Variants in NAB1 observed in about 807,000 individuals in gnomAD.
NAB1 encodes the protein NGFI-A binding protein 1.
Under a neutral mutation model 49.9 loss-of-function variants are expected in NAB1, and 25 were observed. The observed-to-expected ratio is 0.50, with a 90% CI of 0.37 to 0.70. The LOEUF (loss-of-function observed/expected upper bound fraction) is 0.70. Ranked by LOEUF, NAB1 falls within the 30% of genes least tolerant of loss-of-function variation. NAB1 has a pLI of 0.00. For synonymous variants in NAB1, 198 were observed against 215.6 expected, an observed-to-expected ratio of 0.92 and a Z score of 0.71; for missense variants, 489 against 575.9, an observed-to-expected ratio of 0.85 and a Z score of 1.54.
intron 3 of NAB1, among the ~76,000 whole-genome samples, chr2:190,656,409 T>C (rs1420675125): frequency 6.6e-6 from 1 of 152,186 alleles, no homozygotes; most frequent in Non-Finnish European, 1.5e-5. Context: ...CAGCCGGCTT[T>C]GGAAGGAAAC....
Position 190,659,241 on chromosome 2 carries a change from A to G in NAB1, c.65A>G (p.Asn22Ser). The G allele has an allele frequency of 1.9e-6, 3 of 1,614,034 alleles. No homozygotes were observed. Among genetic ancestry groups the G allele is most frequent in the Non-Finnish European group, 2.5e-6 (3 of 1,180,000 alleles). ...CTGTATAGAATATTACAAAAAGCCA[A>G]TCTACTTTCTTATTTTGATGCCTTT... is the stretch of plus-strand genomic sequence containing the variant. ...LQLYRILQKANLLSYFDAFIQ... is the reference protein window; with the variant it reads ...LQLYRILQKASLLSYFDAFIQ... The change falls in exon 4 of 10, where the codon AAT becomes AGT. Residue 22 changes from asparagine to serine, a missense_variant. By Grantham distance (46) the Asn-to-Ser change is conservative. Transcript: ENST00000337386. This position sits in a 1 kb window ranked among gnomAD's most constrained non-coding sequence, Gnocchi z 6.2.
At chr2:190,671,769 CTTTTTTT>C (rs1177937369) in intron 5 of NAB1, among the ~76,000 whole-genome samples, 13 of 71,724 alleles carry the variant, frequency 1.8e-4, no homozygotes, top group Non-Finnish European at 2.9e-4. Flanking sequence ...TTCACCTTTC[CTTTTTTT>C]TTTTTTTTTT....
At position 190,690,710 on chromosome 2, in the gene NAB1, A is replaced by G; in HGVS notation, c.*377A>G. On this transcript the variant is annotated 3_prime_UTR_variant, in exon 10 of 10. Transcript: ENST00000337386. ...TGTTTGGTCTAATAGATGTGGATAC[A>G]GTTTATTTTACTTGAAATTTTGTTG... 1 of 158,404 alleles carries G rather than the reference A, an allele frequency of 6.3e-6. No individual in the cohort carries two copies. The highest frequency in any genetic ancestry group is 1.4e-5 in the Non-Finnish European group (1 of 71,814). 9.8% of individuals were successfully genotyped at this position (158,404 alleles called of 1,614,324 possible). A position where few individuals can be genotyped will look rare whatever the true frequency, so the allele number is the denominator to read the frequency against.
chr2:190,687,468 T>C (rs1695675899), intron 9 of NAB1, 151 bp downstream of exon 9: 2 of 517,942 alleles, frequency 3.9e-6, no homozygotes, highest in Non-Finnish European at 6.7e-6. Context: ...AACTGGAAAA[T>C]TCGAAATGCT....
At chr2:190,660,293 GTTTGTTT>G (rs1280543236) in intron 4 of NAB1, among the ~76,000 whole-genome samples, 2 of 152,088 alleles carry the variant, frequency 1.3e-5, no homozygotes, top group Admixed American at 1.3e-4. Context: ...TTGTAAGGCT[GTTTGTTT>G]TTTAATTAAA....
chr2:190,673,067 G>GTTTT (rs5837195), intron 5 of NAB1, 34 bp from the exon 6 acceptor site: 28 of 1,472,158 alleles, frequency 1.9e-5, no homozygotes, highest in Admixed American at 1.4e-4. Flanking sequence ...ACTTTCTCAA[G>GTTTT]TTTTTTTTTT....
rs1695580312 is a variant in NAB1 at position 190,685,853 on chromosome 2, A to T, written c.1258+215A>T. Among the ~76,000 whole-genome samples, 2 of 152,352 alleles carry T rather than the reference A, an allele frequency of 1.3e-5. No individual in the cohort carries two copies. Among genetic ancestry groups the T allele is most frequent in the South Asian group, 2.1e-4 (1 of 4,824 alleles). ...ATTTTTTAATCTTTAAGCAGTTGGCACCTGAGATTGACATGTATTATTTTG... is the reference window on the plus strand; with the variant it reads ...ATTTTTTAATCTTTAAGCAGTTGGCTCCTGAGATTGACATGTATTATTTTG... On this transcript the variant is annotated intron_variant, in intron 8 of 9. Coordinates refer to ENST00000337386, the MANE Select transcript of NAB1 (RefSeq NM_005966.4). The surrounding 1 kb of genome is among the most constrained non-coding windows in gnomAD (Gnocchi z 4.5).
rs764007897 is a variant in NAB1 at position 190,659,721 on chromosome 2, C to T, written c.545C>T (p.Ala182Val). 1.5e-5 allele frequency: 25 copies of T among 1,613,920 alleles called. No individual in the cohort carries two copies. Among genetic ancestry groups the T allele is most frequent in the East Asian group, 2.2e-5 (1 of 44,884 alleles). ...TCCCCAGCAGACCTGGGCTCCCCCGCGTCCCCAAAGGAGAGCAGTGAGGCG... is the reference window on the plus strand; with the variant it reads ...TCCCCAGCAGACCTGGGCTCCCCCGTGTCCCCAAAGGAGAGCAGTGAGGCG... ...SLSPADLGSP[A>V]SPKESSEALD... The change falls in exon 4 of 10, where the codon GCG (alanine) becomes GTG (valine). Residue 182 changes from alanine to valine, a missense_variant. Physicochemically the swap from Ala to Val is moderately conservative, Grantham distance 64 (BLOSUM62 0). Transcript: ENST00000337386. The surrounding 1 kb of genome is among the most constrained non-coding windows in gnomAD (Gnocchi z 6.2).
At chr2:190,688,029 A>G (rs1021085974) in intron 9 of NAB1, among the ~76,000 whole-genome samples, 1 of 152,242 alleles carries the variant, frequency 6.6e-6, no homozygotes, top group Non-Finnish European at 1.5e-5. Flanking sequence ...ATAGTTAGAT[A>G]TTTACATATT....
At chr2:190,668,316 C>G (rs937998811) in intron 4 of NAB1, among the ~76,000 whole-genome samples, 16 of 151,708 alleles carry the variant, frequency 1.1e-4, no homozygotes, top group African/African-American at 3.9e-4. Flanking sequence ...TCTTATGCAG[C>G]TTTTTTTTAA....
At chr2:190,687,599 T>C (rs1574484570) in intron 9 of NAB1, among the ~76,000 whole-genome samples, 1 of 152,078 alleles carries the variant, frequency 6.6e-6, no homozygotes, top group Non-Finnish European at 1.5e-5. Flanking sequence ...CTGAAAAAGC[T>C]CAAAATCCAT....
rs1251390094 is a variant in NAB1 at position 190,685,451 on chromosome 2, AT to A, written c.1096-22del. On this transcript the variant is annotated intron_variant, in intron 7 of 9. Transcript: ENST00000337386. This position sits in a 1 kb window ranked among gnomAD's most constrained non-coding sequence, Gnocchi z 4.5. Reference sequence around the variant, plus strand: ...AAAATCTAGAATGTTTCAGTTACTGATTTGATTTTTGCTTTACTTACTAGCA... The same window carrying A: ...AAAATCTAGAATGTTTCAGTTACTGATTGATTTTTGCTTTACTTACTAGCA... 7 of 1,579,360 alleles carry A rather than the reference AT, an allele frequency of 4.4e-6. No homozygotes were observed. Among genetic ancestry groups the A allele is most frequent in the African/African-American group, 1.4e-5 (1 of 73,638 alleles).
intron 3 of NAB1, among the ~76,000 whole-genome samples, chr2:190,656,667 A>G (rs1693936980): frequency 6.6e-6 from 1 of 152,192 alleles, no homozygotes; most frequent in African/African-American, 2.4e-5. Context: ...TTAAGTGGGT[A>G]AAGATGAGAA....
Position 190,678,007 on chromosome 2 carries a change from G to A in NAB1, c.1005+4855G>A, listed in dbSNP as rs1000633112. 6.6e-6 allele frequency among the ~76,000 whole-genome samples: 1 copy of A among 152,176 alleles called. No homozygotes were observed. The highest frequency in any genetic ancestry group is 2.4e-5 in the African/African-American group (1 of 41,448). On this transcript the variant is annotated intron_variant, in intron 6 of 9. Transcript: ENST00000337386. The surrounding 1 kb of genome is among the most constrained non-coding windows in gnomAD (Gnocchi z 4.9). ...TATTTTCTAATCCAAGAAATGTTAT[G>A]TAGTAAACAGTTACAAGTTTTGAGT...
At position 190,669,229 on chromosome 2, in the gene NAB1, A is replaced by G. The variant is rs1296292467; in HGVS notation, c.820-1097A>G. On this transcript the variant is annotated intron_variant, in intron 4 of 9. Transcript: ENST00000337386. This position sits in a 1 kb window ranked among gnomAD's most constrained non-coding sequence, Gnocchi z 4.3. ...TTATTTGTATAATTTTTCATTTAATATTTTTGGGTCCCAGTTGACCACAGG... is the reference window on the plus strand; with the variant it reads ...TTATTTGTATAATTTTTCATTTAATGTTTTTGGGTCCCAGTTGACCACAGG... 6.6e-6 allele frequency among the ~76,000 whole-genome samples: 1 copy of G among 152,208 alleles called. No individual in the cohort carries two copies. The highest frequency in any genetic ancestry group is 1.5e-5 in the Non-Finnish European group (1 of 68,038).
chr2:190,681,011 T>TCACAGCAAATAAGTAGTAG (rs1031072094), intron 6 of NAB1, among the ~76,000 whole-genome samples: 1 of 152,240 alleles, frequency 6.6e-6, no homozygotes, highest in Non-Finnish European at 1.5e-5. Flanking sequence ...CTACCCAGTA[T>TCACAGCAAATAAGTAGTAG]CACAGCAAAT....
Position 190,649,335 on chromosome 2 carries a change from C to G in NAB1, c.-359C>G, listed in dbSNP as rs1283683050. The G allele has an allele frequency of 6.6e-6, 1 of 152,226 alleles. No individual in the cohort carries two copies. The highest frequency in any genetic ancestry group is 2.4e-5 in the African/African-American group (1 of 41,432). 9.4% of individuals were successfully genotyped at this position (152,226 alleles called of 1,614,324 possible). The stretch of plus-strand genomic sequence containing the variant: ...CTGAGCAGTCCTCGGGGAGAGCGCG[C>G]CAAGACCGCTGCAGCCGCTGGCTGA... On this transcript the variant is annotated 5_prime_UTR_variant, in exon 1 of 10. Coordinates refer to ENST00000337386, the MANE Select transcript of NAB1 (RefSeq NM_005966.4). This position sits in a 1 kb window ranked among gnomAD's most constrained non-coding sequence, Gnocchi z 6.1.
rs1324691205 is a variant in NAB1, at chr2:190,691,579, T to C, written c.*1246T>C. On this transcript the variant is annotated 3_prime_UTR_variant, in exon 10 of 10. Transcript: ENST00000337386. The surrounding 1 kb of genome is among the most constrained non-coding windows in gnomAD (Gnocchi z 4.1). Reference sequence around the variant, plus strand: ...GGAGTGTGCTTACATGTTAATAATTTACTTGCATACTTATGAGAATTTCAC... The same window carrying C: ...GGAGTGTGCTTACATGTTAATAATTCACTTGCATACTTATGAGAATTTCAC... 1 of 152,192 alleles carries C rather than the reference T, an allele frequency of 6.6e-6. No homozygotes were observed. Among genetic ancestry groups the C allele is most frequent in the Non-Finnish European group, 1.5e-5 (1 of 67,996 alleles). The allele number at this position is 152,192 out of a possible 1,614,324, so 9.4% of individuals were successfully genotyped here.
rs187885136 is a variant in NAB1 at position 190,671,834 on chromosome 2, A to G, written c.954-1267A>G. Among the ~76,000 whole-genome samples, 249 of 133,166 alleles carry G rather than the reference A, an allele frequency of 1.9e-3. 2 individuals carry two copies. The highest frequency in any genetic ancestry group is 2.4e-4 in the Non-Finnish European group (16 of 65,408). The allele number at this position is 133,166 out of a possible 152,430, so 87.4% of individuals were successfully genotyped here. A position where few individuals can be genotyped will look rare whatever the true frequency, so the allele number is the denominator to read the frequency against. On this transcript the variant is annotated intron_variant, in intron 5 of 9. Coordinates refer to ENST00000337386, the MANE Select transcript of NAB1 (RefSeq NM_005966.4). ...CTCTGTCACCAGGCTGGAGTGCAAT[A>G]GCTCGATCTTGGTTCACTGCAACCT...
Sources: gnomAD v4.1 joint callset for allele counts (sites outside exome capture counted in the v4.1 genomes callset) on GRCh38, gnomAD v4.1.1 for gene constraint, Gnocchi (gnomAD v3.1) non-coding constraint, MANE v1.5 for transcripts, NCBI Gene and HGNC (gene_info 2026-07-23, HGNC 2026-07-21) for gene names.